The following APP variants were observed in gnomAD, a reference collection of about 807,000 sequenced individuals.
The protein encoded by APP is amyloid-beta precursor protein.
Under a neutral mutation model 101.4 loss-of-function variants are expected in APP, and 31 were observed. The observed-to-expected ratio is 0.31, with a 90% CI of 0.23 to 0.41. The LOEUF (loss-of-function observed/expected upper bound fraction) is 0.41, where lower values mean the gene tolerates loss of function less well. Among genes scored for constraint, APP ranks in the 10% least tolerant of loss-of-function variants. APP has a pLI of 1.00. For synonymous variants in APP, 366 were observed against 364.4 expected (o/e 1.00, Z -0.05); for missense variants, 839 against 1,003.7 (o/e 0.84, Z 2.22).
At position 25,898,180 on chromosome 21, in the gene APP, T is replaced by G. The variant is rs552618950; in HGVS notation, c.1964-507A>C. On this transcript the variant is annotated intron_variant, in intron 15 of 17. Transcript: ENST00000346798. ...AAATTATGTTCATGTATCTATGCAG[T>G]GAAGCGTTGTAAAAATTATATAATT... is the stretch of plus-strand genomic sequence containing the variant. Among the ~76,000 whole-genome samples, 4 of 152,348 alleles carry G rather than the reference T, an allele frequency of 2.6e-5. No individual in the cohort carries two copies. The East Asian group carries it at 5.8e-4, about 22-fold the overall frequency.
At chr21:26,015,930 G>GT (rs34458306) in intron 6 of APP, among the ~76,000 whole-genome samples, 152,367 of 152,372 alleles carry the variant, frequency 1, 76,181 homozygotes, top group Middle Eastern at 1. Flanking sequence ...GATGGGCTGT[G>GT]CCTAATAAAA....
intron 13 of APP, among the ~76,000 whole-genome samples, chr21:25,924,460 G>T: frequency 9.5e-6 from 1 of 105,684 alleles, no homozygotes; most frequent in Non-Finnish European, 1.8e-5. Flanking sequence ...CATGTCCTTT[G>T]CAGGGCCATG....
At chr21:26,101,083 T>C (rs922243559) in intron 2 of APP, among the ~76,000 whole-genome samples, 1 of 145,646 alleles carries the variant, frequency 6.9e-6, no homozygotes, top group Non-Finnish European at 1.5e-5. Flanking sequence ...TCAAGTTATC[T>C]CTTTTTTTTT....
At chr21:25,956,417 C>T (rs558290701) in intron 11 of APP, among the ~76,000 whole-genome samples, 22 of 152,232 alleles carry the variant, frequency 1.4e-4, no homozygotes, top group African/African-American at 4.8e-4. Flanking sequence ...CTAATTGGTT[C>T]CATTTCATTT....
intron 3 of APP, among the ~76,000 whole-genome samples, chr21:26,056,173 G>A (rs2046033121): frequency 6.6e-6 from 1 of 152,102 alleles, no homozygotes; most frequent in Non-Finnish European, 1.5e-5. Context: ...GAGTAGCTGG[G>A]ACTACAGCTG....
chr21:25,950,261 G>A (rs927355138), intron 13 of APP, among the ~76,000 whole-genome samples: 1 of 152,118 alleles, frequency 6.6e-6, no homozygotes, highest in Admixed American at 6.5e-5. Flanking sequence ...TCAAATGCCA[G>A]CTCTTTTCTC....
At chr21:25,894,676 CAAAG>C (rs2037914792) in intron 16 of APP, among the ~76,000 whole-genome samples, 1 of 152,176 alleles carries the variant, frequency 6.6e-6, no homozygotes. Context: ...TATGGATGAG[CAAAG>C]AAAGTGGTTT....
chr21:26,039,594 C>A (rs542290054), intron 5 of APP, among the ~76,000 whole-genome samples: 1 of 152,292 alleles, frequency 6.6e-6, no homozygotes, highest in Non-Finnish European at 1.5e-5. Context: ...TGAGCCAATC[C>A]ACAGGCACGT....
At chr21:26,100,192 T>C (rs896903854) in intron 2 of APP, among the ~76,000 whole-genome samples, 4 of 149,506 alleles carry the variant, frequency 2.7e-5, no homozygotes, top group African/African-American at 9.9e-5. Flanking sequence ...TTTTCTTATT[T>C]TAAAATATCC....
rs560569895 is a variant in APP, at chr21:25,952,315, G to A, written c.1687+2275C>T. On this transcript the variant is annotated intron_variant, in intron 13 of 17. Coordinates refer to ENST00000346798, the MANE Select transcript of APP (RefSeq NM_000484.4). ...CACAACGTGCAGGTCTGTTACATAT[G>A]TATACATGTGCCATGTTGGTGTGCT... Among the ~76,000 whole-genome samples the A allele has an allele frequency of 3.3e-5, 5 of 150,918 alleles. No individual in the cohort carries two copies. In the South Asian group the frequency reaches 1.0e-3, roughly 32 times the overall value.
intron 16 of APP, among the ~76,000 whole-genome samples, chr21:25,897,336 G>A (rs778343324): frequency 5.3e-5 from 8 of 152,236 alleles, no homozygotes; most frequent in African/African-American, 7.2e-5. Flanking sequence ...GGCTGGTCTC[G>A]AATTTCTGAC....
chr21:25,930,356 A>C (rs1430581388), intron 13 of APP, among the ~76,000 whole-genome samples: 1 of 151,512 alleles, frequency 6.6e-6, no homozygotes, highest in Non-Finnish European at 1.5e-5. Context: ...GCCAGCAAAA[A>C]CTCCGCCATG....
At chr21:25,988,941 C>G (rs2042751142) in intron 8 of APP, among the ~76,000 whole-genome samples, 1 of 152,116 alleles carries the variant, frequency 6.6e-6, no homozygotes, top group Non-Finnish European at 1.5e-5. Context: ...ATGCTTGTCA[C>G]AATACTGCCA....
chr21:25,986,814 T>G (rs2042656490), intron 8 of APP, among the ~76,000 whole-genome samples: 1 of 152,232 alleles, frequency 6.6e-6, no homozygotes, highest in African/African-American at 2.4e-5. Context: ...GATAACAGCC[T>G]CTTTTCATCA....
chr21:25,995,571 A>G (rs1335406662), intron 8 of APP, among the ~76,000 whole-genome samples: 1 of 88,646 alleles, frequency 1.1e-5, no homozygotes. Context: ...GAAAATGCCC[A>G]CAAAGTGTTC....
At chr21:26,067,302 G>GT (rs1168503563) in intron 3 of APP, among the ~76,000 whole-genome samples, 1 of 152,074 alleles carries the variant, frequency 6.6e-6, no homozygotes, top group Non-Finnish European at 1.5e-5. Flanking sequence ...TATCTGGTGG[G>GT]TTTTTTATAC....
rs1457987504 is a variant in APP, at chr21:26,170,666, T to G, written c.-46A>C. ...CGAGTGCGCTGCTGTGCGAGTGGGA[T>G]CCGCCGCGTCCTTGCTCTGCCCGCG... On this transcript the variant is annotated 5_prime_UTR_variant, in exon 1 of 18. Transcript: ENST00000346798. 6.6e-7 allele frequency: 1 copy of G among 1,511,078 alleles called. No homozygotes were observed. 93.6% of individuals were successfully genotyped at this position (1,511,078 alleles called of 1,614,324 possible).
intron 1 of APP, among the ~76,000 whole-genome samples, chr21:26,112,690 TC>T (rs955112897): frequency 3.9e-5 from 6 of 152,208 alleles, no homozygotes; most frequent in Non-Finnish European, 8.8e-5. Flanking sequence ...GAATTCACCA[TC>T]CACAAATATA....
chr21:25,899,083 T>C lies in APP; in HGVS notation c.1964-1410A>G, dbSNP rs146147436. On this transcript the variant is annotated intron_variant, in intron 15 of 17. Transcript: ENST00000346798. ...AAAAAGCTTCCACTTGATAACCTAT[T>C]TGAAAAGAGACCCACAATCAATGTC... Among the ~76,000 whole-genome samples, 479 of 152,318 alleles carry C rather than the reference T, an allele frequency of 3.1e-3. 1 individual carries two copies. The highest frequency in any genetic ancestry group is 0.011 in the African/African-American group (460 of 41,566).
Sources: gnomAD v4.1 joint callset for allele counts (sites outside exome capture counted in the v4.1 genomes callset) on GRCh38, gnomAD v4.1.1 for gene constraint, MANE v1.5 for transcripts, NCBI Gene and HGNC (gene_info 2026-07-23, HGNC 2026-07-21) for gene names.